AKTIP: variants seen among roughly 807,000 people sequenced by gnomAD.
AKTIP encodes AKT-interacting protein.
In AKTIP, 16 loss-of-function variants were observed where a neutral mutation model predicts 39.1. The observed-to-expected ratio is 0.41, with a 90% CI of 0.28 to 0.62. The LOEUF (loss-of-function observed/expected upper bound fraction) is 0.62. Ranked by LOEUF, AKTIP falls within the 20% of genes least tolerant of loss-of-function variation. The pLI is 0.32. For synonymous variants in AKTIP, 93 were observed against 124.3 expected, an observed-to-expected ratio of 0.75 and a Z score of 1.67; for missense variants, 262 against 356.6, an observed-to-expected ratio of 0.73 and a Z score of 2.14.
At chr16:53,497,307 A>C (rs997174511) in intron 3 of AKTIP, among the ~76,000 whole-genome samples, 6 of 152,184 alleles carry the variant, frequency 3.9e-5, no homozygotes, top group Admixed American at 6.5e-5. Context: ...AACCAGGTGC[A>C]ACTGCAGCCC....
chr16:53,500,387 T>C, intron 1 of AKTIP, 58 bp from the exon 2 acceptor site: 2 of 1,235,230 alleles, frequency 1.6e-6, no homozygotes, highest in South Asian at 1.6e-5. Context: ...AAGACTTTTT[T>C]TTTTTTTTAA....
At chr16:53,498,780 C>T (rs1186943020) in intron 2 of AKTIP, among the ~76,000 whole-genome samples, 184 bp from the exon 3 acceptor site, 3 of 152,176 alleles carry the variant, frequency 2.0e-5, no homozygotes, top group Non-Finnish European at 4.4e-5. Context: ...AAACCTGAAG[C>T]AAGACCAAAG....
chr16:53,499,724 T>C (rs1962057284), intron 2 of AKTIP, among the ~76,000 whole-genome samples: 1 of 152,148 alleles, frequency 6.6e-6, no homozygotes, highest in Non-Finnish European at 1.5e-5. Context: ...CCTCTCAAAG[T>C]GCTGGGGATT....
intron 2 of AKTIP, among the ~76,000 whole-genome samples, chr16:53,499,053 A>C (rs1962012361): frequency 6.6e-6 from 1 of 152,226 alleles, no homozygotes; most frequent in Non-Finnish European, 1.5e-5. Context: ...CTTAGGTTAG[A>C]AACAAAGAAT....
chr16:53,495,530 T>C (rs1035555788), intron 3 of AKTIP, among the ~76,000 whole-genome samples: 3 of 152,158 alleles, frequency 2.0e-5, no homozygotes, highest in East Asian at 1.9e-4. Flanking sequence ...ACTGGCCTCA[T>C]AGCAGCAGCT....
intron 7 of AKTIP, 41 bp downstream of exon 7, chr16:53,494,298 T>A (rs1256928577): frequency 1.2e-6 from 2 of 1,610,950 alleles, no homozygotes; most frequent in Non-Finnish European, 1.7e-6. Context: ...CTTAGCTGCA[T>A]CTTCAAATTT....
At position 53,494,327 on chromosome 16, in the gene AKTIP, A is replaced by G; in HGVS notation, c.602+12T>C. On this transcript the variant is annotated intron_variant, in intron 7 of 9. Transcript: ENST00000394657. ...CAAATTTATTTTAAATAACAAAGCA[A>G]AAGTTACATACAGTACTGCAGCCTC... is the stretch of plus-strand genomic sequence containing the variant. 1 of 1,613,676 alleles carries G rather than the reference A, an allele frequency of 6.2e-7. No homozygotes were observed. The highest frequency in any genetic ancestry group is 8.5e-7 in the Non-Finnish European group (1 of 1,179,724).
In AKTIP at chr16:53,494,944, C is replaced by A. The variant is rs79779478; in HGVS notation, c.414+129G>T. ...GGAAGCTGCTGCAAAGCACAGAAGT[C>A]CCCCTGGACAACTACTGGGTAGATA... On this transcript the variant is annotated intron_variant, in intron 5 of 9. Coordinates refer to ENST00000394657, the MANE Select transcript of AKTIP (RefSeq NM_022476.4). 8 of 873,278 alleles carry A rather than the reference C, an allele frequency of 9.2e-6. No individual in the cohort carries two copies. The Admixed American group carries it at 1.4e-4, about 15-fold the overall frequency. 54.1% of individuals were successfully genotyped at this position (873,278 alleles called of 1,614,324 possible).
intron 2 of AKTIP, among the ~76,000 whole-genome samples, chr16:53,499,854 T>G (rs983473898): frequency 6.6e-6 from 1 of 152,186 alleles, no homozygotes; most frequent in African/African-American, 2.4e-5. Context: ...ATTAAATTAG[T>G]GCCCCTCAAG....
At chr16:53,493,002 CAGAGT>C (rs1257592025) in intron 8 of AKTIP, 2 of 434,496 alleles carry the variant, frequency 4.6e-6, no homozygotes, top group Non-Finnish European at 8.4e-6. Flanking sequence ...GACAGCAAAG[CAGAGT>C]AAATTAATTG....
rs747653033 is a variant in AKTIP, at chr16:53,498,441, C to T, written c.198G>A (p.Thr66=). The T allele has an allele frequency of 9.9e-6, 16 of 1,613,818 alleles. No individual in the cohort carries two copies. Among genetic ancestry groups the T allele is most frequent in the South Asian group, 2.2e-5 (2 of 91,072 alleles). ...GGTAGAAGGGTCCATAGGACGCATG[C>T]GTGCCATTTGTTGACTGTGCTGCTG... The part of the protein sequence containing the change: ...PAPAAQSTNG[T]HASYGPFYLE... Residue 66 remains threonine, a synonymous_variant, in exon 3 of 10, where the codon ACG becomes ACA. Transcript: ENST00000394657.
intron 1 of AKTIP, among the ~76,000 whole-genome samples, chr16:53,500,865 C>T (rs886990384): frequency 2.0e-5 from 3 of 152,224 alleles, no homozygotes; most frequent in Admixed American, 2.0e-4. Context: ...CTATAAGAAT[C>T]TGTGCACCAG....
At chr16:53,502,256 C>T (rs1232418850) in intron 1 of AKTIP, among the ~76,000 whole-genome samples, 1 of 152,194 alleles carries the variant, frequency 6.6e-6, no homozygotes, top group Admixed American at 6.5e-5. Flanking sequence ...CTGTAGCACA[C>T]TTTTCAGGGT....
rs1329523098 is a variant in AKTIP at position 53,491,145 on chromosome 16, A to G, written c.*1267T>C. The G allele has an allele frequency of 3.3e-5, 5 of 152,508 alleles. No homozygotes were observed. The highest frequency in any genetic ancestry group is 7.3e-5 in the Non-Finnish European group (5 of 68,032). 9.4% of individuals were successfully genotyped at this position (152,508 alleles called of 1,614,324 possible). Reference sequence around the variant, plus strand: ...TAAATTCTCCAGTTTTTTGTTATATAGGGATCAACCAGCTAAGAAAAGATT... The same window carrying G: ...TAAATTCTCCAGTTTTTTGTTATATGGGGATCAACCAGCTAAGAAAAGATT... On this transcript the variant is annotated 3_prime_UTR_variant, in exon 10 of 10. Coordinates refer to ENST00000394657, the MANE Select transcript of AKTIP (RefSeq NM_022476.4).
chr16:53,501,508 C>G (rs1007153159), intron 1 of AKTIP: 9 of 152,262 alleles, frequency 5.9e-5, no homozygotes, highest in African/African-American at 1.9e-4. Context: ...TATTTCCCCC[C>G]AGGCTCTGTT....
In AKTIP at chr16:53,494,605, G is replaced by A. The variant is rs781311887; in HGVS notation, c.415C>T (p.Arg139Cys). Residue 139 changes from arginine (R) to cysteine (C), a missense_variant and splice_region_variant, in exon 6 of 10, where the codon CGC becomes TGC. Physicochemically the swap from Arg to Cys is radical, Grantham distance 180. Transcript: ENST00000394657. ...AAGACAGGAATATCGAACACCAAGC[G>A]CTGTATTTAAATAAAGAGAGACATG... ...PDNYPDGDCP[R>C]LVFDIPVFHP... 3.3e-5 allele frequency: 54 copies of A among 1,613,454 alleles called. No individual in the cohort carries two copies. The highest frequency in any genetic ancestry group is 4.0e-5 in the African/African-American group (3 of 74,866).
At chr16:53,501,724 T>C (rs1036100036) in intron 1 of AKTIP, 1 of 152,234 alleles carries the variant, frequency 6.6e-6, no homozygotes, top group Non-Finnish European at 1.5e-5. Context: ...AGGTCATCCA[T>C]ACCTTGCCAG....
At position 53,491,720 on chromosome 16, in the gene AKTIP, TA is replaced by T. The variant is rs1469187592; in HGVS notation, c.*691del. On this transcript the variant is annotated 3_prime_UTR_variant, in exon 10 of 10. Coordinates refer to ENST00000394657, the MANE Select transcript of AKTIP (RefSeq NM_022476.4). ...GGCAAAGAACAATCATTTATTGGTT[TA>T]TTTTGTCTCTACTAAACACATTAGT... The T allele has an allele frequency of 6.6e-6, 1 of 152,650 alleles. No homozygotes were observed. Among genetic ancestry groups the T allele is most frequent in the Non-Finnish European group, 1.5e-5 (1 of 68,038 alleles). The allele number at this position is 152,650 out of a possible 1,614,324, so 9.5% of individuals were successfully genotyped here. A position where few individuals can be genotyped will look rare whatever the true frequency, so the allele number is the denominator to read the frequency against.
At chr16:53,497,819 G>A (rs554324953) in intron 3 of AKTIP, among the ~76,000 whole-genome samples, 256 of 152,334 alleles carry the variant, frequency 1.7e-3, no homozygotes, top group African/African-American at 6.0e-3. Flanking sequence ...GCACAATCTC[G>A]GCTCACTGCA....
Sources: gnomAD v4.1 joint callset for allele counts (sites outside exome capture counted in the v4.1 genomes callset) on GRCh38, gnomAD v4.1.1 for gene constraint, MANE v1.5 for transcripts, NCBI Gene and HGNC (gene_info 2026-07-23, HGNC 2026-07-21) for gene names.